The following ARL14EPL variants were observed in gnomAD, a reference collection of about 807,000 sequenced individuals.
ARL14EPL encodes the protein ARL14 effector protein-like.
ARL14EPL carries 17 observed loss-of-function variants against 15.9 expected under a neutral mutation model. That is an observed-to-expected ratio of 1.07 (90% CI 0.73 to 1.60). ARL14EPL has a LOEUF of 1.60. ARL14EPL is among the 40% of genes most tolerant of loss of function. The pLI, the probability that ARL14EPL is intolerant of heterozygous loss-of-function variation, is 0.00. For missense variants in ARL14EPL, 214 were observed against 185.9 expected (o/e 1.15, Z -0.88); for synonymous variants, 78 against 63.8 (o/e 1.22, Z -1.06).
At chr5:116,049,242 C>G (rs115923938) in intron 1 of ARL14EPL, among the ~76,000 whole-genome samples, 369 of 152,286 alleles carry the variant, frequency 2.4e-3, no homozygotes, top group African/African-American at 8.4e-3. Flanking sequence ...TGATAAGGTT[C>G]ATCAGAGAGC....
At chr5:116,042,370 T>G (rs1167227232) in intron 1 of ARL14EPL, among the ~76,000 whole-genome samples, 1 of 152,222 alleles carries the variant, frequency 6.6e-6, no homozygotes, top group Non-Finnish European at 1.5e-5. Context: ...AAGGGCAGTG[T>G]GGATAGATAC....
chr5:116,033,805 G>A (rs141095814), intron 1 of ARL14EPL, among the ~76,000 whole-genome samples: 19 of 152,200 alleles, frequency 1.2e-4, no homozygotes, highest in African/African-American at 2.6e-4. Flanking sequence ...AGTTTGTTTC[G>A]TGAAAAAAAG....
intron 1 of ARL14EPL, among the ~76,000 whole-genome samples, chr5:116,039,421 A>G (rs958032343): frequency 2.0e-5 from 3 of 152,212 alleles, no homozygotes; most frequent in Non-Finnish European, 4.4e-5. Context: ...AAAGCAGAAT[A>G]AAAGACCAAA....
chr5:116,053,906 A>G, intron 2 of ARL14EPL, 108 bp from the exon 3 acceptor site: 1 of 901,508 alleles, frequency 1.1e-6, no homozygotes. Context: ...TAAAACATAT[A>G]TACTTTCATG....
intron 1 of ARL14EPL, among the ~76,000 whole-genome samples, chr5:116,049,220 T>G (rs1749326842): frequency 6.6e-6 from 1 of 152,200 alleles, no homozygotes; most frequent in Non-Finnish European, 1.5e-5. Flanking sequence ...AGTATTTCCT[T>G]TAATAGCCTA....
In ARL14EPL at chr5:116,052,166, C is replaced by T. The variant is rs1469966361; in HGVS notation, c.96+605C>T. ...CAAGACTAAGTTATTGAGCTTGTCCCGAACTTTGCCTTTGGACCACTTCTT... is the reference window on the plus strand; with the variant it reads ...CAAGACTAAGTTATTGAGCTTGTCCTGAACTTTGCCTTTGGACCACTTCTT... On this transcript the variant is annotated intron_variant, in intron 2 of 3. Coordinates refer to ENST00000686077, the MANE Select transcript of ARL14EPL (RefSeq NM_001195581.2). The T allele has an allele frequency of 1.4e-5, 23 of 1,609,824 alleles. No individual in the cohort carries two copies. In the East Asian group the frequency reaches 2.2e-4, roughly 16 times the overall value.
intron 1 of ARL14EPL, among the ~76,000 whole-genome samples, chr5:116,036,763 C>T (rs181980418): frequency 4.5e-4 from 68 of 152,222 alleles, no homozygotes; most frequent in African/African-American, 1.6e-3. Flanking sequence ...TTTCCATAAA[C>T]CATTGTAACT....
intron 1 of ARL14EPL, among the ~76,000 whole-genome samples, chr5:116,044,540 A>G (rs1175198127): frequency 6.6e-6 from 1 of 152,102 alleles, no homozygotes; most frequent in African/African-American, 2.4e-5. Flanking sequence ...TATTAGTGCT[A>G]TTTACACTGA....
intron 1 of ARL14EPL, among the ~76,000 whole-genome samples, chr5:116,048,458 A>G (rs949107508): frequency 1.3e-5 from 2 of 152,138 alleles, no homozygotes; most frequent in East Asian, 3.9e-4. Context: ...AGTGATATCT[A>G]TGGACCATTT....
intron 1 of ARL14EPL, among the ~76,000 whole-genome samples, chr5:116,037,765 A>G (rs1260638459): frequency 6.6e-6 from 1 of 152,224 alleles, no homozygotes; most frequent in Non-Finnish European, 1.5e-5. Flanking sequence ...AGGAAATGAT[A>G]AAGTATAAAA....
At chr5:116,056,863 T>C (rs1264172027) in intron 3 of ARL14EPL, among the ~76,000 whole-genome samples, 2 of 152,222 alleles carry the variant, frequency 1.3e-5, no homozygotes, top group African/African-American at 4.8e-5. Context: ...GCTTTCTACA[T>C]ATGGCTAGCC....
chr5:116,032,883 G>A (rs770179587), intron 1 of ARL14EPL, among the ~76,000 whole-genome samples: 10 of 152,048 alleles, frequency 6.6e-5, no homozygotes, highest in Non-Finnish European at 1.2e-4. Context: ...CCGCAGCCTC[G>A]ACTTCCTGGG....
chr5:116,052,203 T>A, intron 2 of ARL14EPL: 2 of 1,606,764 alleles, frequency 1.2e-6, no homozygotes, highest in Non-Finnish European at 1.7e-6. Flanking sequence ...TTTTTGGCCT[T>A]GCCCCCGGAT....
intron 2 of ARL14EPL, 47 bp from the exon 3 acceptor site, chr5:116,053,967 A>T (rs773972012): frequency 3.1e-5 from 46 of 1,465,252 alleles, no homozygotes; most frequent in Non-Finnish European, 4.1e-5. Context: ...TGTAAAACAG[A>T]TAAAACTATC....
chr5:116,059,049 C>T lies in ARL14EPL; in HGVS notation c.*102C>T. ...GGGCTTGGGGGAAATATCGAAAAAA[C>T]ATACTGAAGACTCATGTTCTGTCAA... On this transcript the variant is annotated 3_prime_UTR_variant, in exon 4 of 4. Transcript: ENST00000686077. 9.3e-7 allele frequency: 1 copy of T among 1,076,004 alleles called. No individual in the cohort carries two copies. 66.7% of individuals were successfully genotyped at this position (1,076,004 alleles called of 1,614,324 possible).
chr5:116,053,881 G>A lies in ARL14EPL; in HGVS notation c.97-133G>A, dbSNP rs559774165. 4.2e-5 allele frequency: 29 copies of A among 687,394 alleles called. No homozygotes were observed. In the African/African-American group the frequency reaches 5.2e-4, roughly 12 times the overall value. 42.6% of individuals were successfully genotyped at this position (687,394 alleles called of 1,614,324 possible). ...TTTTGAAACTTAATTAGATTAAATC[G>A]TTTATGTCTTTGTGTAAAACATATA... On this transcript the variant is annotated intron_variant, in intron 2 of 3. Transcript: ENST00000686077.
intron 1 of ARL14EPL, among the ~76,000 whole-genome samples, chr5:116,039,335 C>T (rs1188199332): frequency 6.6e-6 from 1 of 152,094 alleles, no homozygotes; most frequent in Non-Finnish European, 1.5e-5. Context: ...CAGAAAGAAC[C>T]AGAATGGGAT....
At chr5:116,053,975 A>C (rs1487155495) in intron 2 of ARL14EPL, 39 bp from the exon 3 acceptor site, 7 of 1,488,476 alleles carry the variant, frequency 4.7e-6, no homozygotes, top group Non-Finnish European at 6.3e-6. Context: ...AGATAAAACT[A>C]TCTGGTTCTT....
Position 116,058,776 on chromosome 5 carries a change from T to C in ARL14EPL, c.288T>C (p.Asp96=), listed in dbSNP as rs2112684958. ...KSGRLICNDA[D]LCDCLEKNCL... The stretch of plus-strand genomic sequence containing the variant: ...GCAGGCTCATCTGTAATGACGCTGA[T>C]CTGTGTGATTGTCTAGAGAAGAACT... Residue 96 remains aspartate, a synonymous_variant, in exon 4 of 4, where the codon GAT becomes GAC. Coordinates refer to ENST00000686077, the MANE Select transcript of ARL14EPL (RefSeq NM_001195581.2). 2 of 1,535,838 alleles carry C rather than the reference T, an allele frequency of 1.3e-6. No individual in the cohort carries two copies. Among genetic ancestry groups the C allele is most frequent in the Non-Finnish European group, 1.7e-6 (2 of 1,146,904 alleles).
Sources: gnomAD v4.1 joint callset for allele counts (sites outside exome capture counted in the v4.1 genomes callset) on GRCh38, gnomAD v4.1.1 for gene constraint, MANE v1.5 for transcripts, NCBI Gene and HGNC (gene_info 2026-07-23, HGNC 2026-07-21) for gene names.